LRRC3B: variants seen among roughly 807,000 people sequenced by gnomAD.
The protein encoded by LRRC3B is leucine rich repeat containing 3B.
In LRRC3B, 2 loss-of-function variants were observed where a neutral mutation model predicts 12.8. That is an observed-to-expected ratio of 0.16 (90% confidence interval 0.06 to 0.49). LRRC3B has a LOEUF of 0.49. Among genes scored for constraint, LRRC3B ranks in the 20% least tolerant of loss-of-function variants. The probability of loss-of-function intolerance (pLI) is 0.96; values close to 1 mark genes in which losing one functional copy is unlikely to be tolerated. For synonymous variants in LRRC3B, 132 were observed against 122.0 expected (o/e 1.08, Z -0.54); for missense variants, 189 against 319.4 (o/e 0.59, Z 3.11).
intron 1 of LRRC3B, among the ~76,000 whole-genome samples, chr3:26,658,610 T>C (rs368798283): frequency 6.6e-6 from 1 of 152,244 alleles, no homozygotes. Flanking sequence ...CCTCATTCTT[T>C]ATACAAAACA....
rs1699748080 is a variant in LRRC3B, at chr3:26,671,519, G to A, written c.-160-37994G>A. ...CAATTCTCCTGCCTCAGCCTCCCAAGTAGCTGGGACTACAGGCGCGCGCCA... is the reference window on the plus strand; with the variant it reads ...CAATTCTCCTGCCTCAGCCTCCCAAATAGCTGGGACTACAGGCGCGCGCCA... On this transcript the variant is annotated intron_variant, in intron 1 of 1. Coordinates refer to ENST00000396641, the Ensembl canonical transcript of LRRC3B. Among the ~76,000 whole-genome samples the A allele has an allele frequency of 2.7e-5, 4 of 150,012 alleles. No individual in the cohort carries two copies. In the South Asian group the frequency reaches 6.3e-4, roughly 24 times the overall value.
intron 1 of LRRC3B, among the ~76,000 whole-genome samples, chr3:26,638,275 TG>T (rs1411796387): frequency 2.6e-5 from 4 of 152,138 alleles, no homozygotes; most frequent in African/African-American, 7.2e-5. Flanking sequence ...TTTCAGGATT[TG>T]TAGAAAACAT....
chr3:26,698,119 A>AGTG (rs951173774), intron 1 of LRRC3B, among the ~76,000 whole-genome samples: 27 of 151,860 alleles, frequency 1.8e-4, no homozygotes, highest in Non-Finnish European at 2.5e-4. Context: ...TGATGATGAT[A>AGTG]GTGGTGGTGG....
chr3:26,691,107 A>G (rs9873095), intron 1 of LRRC3B, among the ~76,000 whole-genome samples: 4,936 of 55,278 alleles, frequency 0.089, 135 homozygotes, highest in Non-Finnish European at 0.092. Context: ...GTGTGTGTGT[A>G]TATATATATA....
chr3:26,644,248 G>T (rs1575121820), intron 1 of LRRC3B, among the ~76,000 whole-genome samples: 1 of 152,212 alleles, frequency 6.6e-6, no homozygotes, highest in Non-Finnish European at 1.5e-5. Context: ...TATGTGGGAA[G>T]CACTAACTTA....
intron 1 of LRRC3B, among the ~76,000 whole-genome samples, chr3:26,642,470 A>C (rs17018447): frequency 0.034 from 5,206 of 152,280 alleles, 170 homozygotes; most frequent in East Asian, 0.13. Context: ...GCTAAGGAGA[A>C]ATAAGCCAGA....
intron 1 of LRRC3B, among the ~76,000 whole-genome samples, chr3:26,685,488 T>C (rs1342089752): frequency 2.6e-5 from 1 of 38,810 alleles, no homozygotes; most frequent in Non-Finnish European, 4.6e-5. Flanking sequence ...ACTCTCTCCC[T>C]CTCTCTCTCT....
At chr3:26,653,563 A>G (rs1453277728) in intron 1 of LRRC3B, among the ~76,000 whole-genome samples, 2 of 138,644 alleles carry the variant, frequency 1.4e-5, no homozygotes, top group Non-Finnish European at 3.0e-5. Flanking sequence ...TAAACTGTCA[A>G]AAAGAAGAAC....
At chr3:26,664,378 T>G (rs1463098251) in intron 1 of LRRC3B, among the ~76,000 whole-genome samples, 1 of 152,082 alleles carries the variant, frequency 6.6e-6, no homozygotes, top group Admixed American at 6.5e-5. Context: ...CCCCCACGAC[T>G]ACTGCTACTA....
intron 1 of LRRC3B, among the ~76,000 whole-genome samples, chr3:26,671,557 A>G (rs1699749317): frequency 6.7e-6 from 1 of 149,442 alleles, no homozygotes; most frequent in African/African-American, 2.5e-5. Context: ...AAGCCCAGCT[A>G]ATTTTTTTGT....
In LRRC3B at chr3:26,667,503, G is replaced by A. The variant is rs532219247; in HGVS notation, c.-160-42010G>A. Among the ~76,000 whole-genome samples, 6 of 152,224 alleles carry A rather than the reference G, an allele frequency of 3.9e-5. No individual in the cohort carries two copies. The East Asian group carries it at 1.2e-3, about 29-fold the overall frequency. On this transcript the variant is annotated intron_variant, in intron 1 of 1. Transcript: ENST00000396641. ...AAAGGGAGCTACTGAAACTATTCAG[G>A]GACTTAGGCTCCTTCCAGCTCACTG...
chr3:26,682,025 A>T (rs1215059977), intron 1 of LRRC3B, among the ~76,000 whole-genome samples: 1 of 151,988 alleles, frequency 6.6e-6, no homozygotes, highest in Non-Finnish European at 1.5e-5. Flanking sequence ...ATAATAATAA[A>T]ATATAATGAT....
exon 2 of LRRC3B, chr3:26,709,902 C>T (rs1011710148): frequency 1.9e-6 from 3 of 1,614,098 alleles, no homozygotes; most frequent in Non-Finnish European, 2.5e-6. Context: ...AATCAGATCA[C>T]ATCTATTCCC....
intron 1 of LRRC3B, among the ~76,000 whole-genome samples, chr3:26,654,026 A>G (rs1256673408): frequency 1.3e-5 from 2 of 152,154 alleles, no homozygotes; most frequent in East Asian, 3.9e-4. Flanking sequence ...AGATGGGGAA[A>G]CAGTCCAAAG....
At chr3:26,673,759 G>A (rs1699801257) in intron 1 of LRRC3B, among the ~76,000 whole-genome samples, 1 of 152,124 alleles carries the variant, frequency 6.6e-6, no homozygotes, top group Non-Finnish European at 1.5e-5. Context: ...CTGAAGAACA[G>A]CCTCCTCCAC....
intron 1 of LRRC3B, chr3:26,694,777 G>A (rs984911385): frequency 6.6e-6 from 1 of 152,186 alleles, no homozygotes; most frequent in Non-Finnish European, 1.5e-5. Flanking sequence ...CTGGTAAGAA[G>A]AGGCACTATG....
chr3:26,672,232 T>TAATA (rs1699763733), intron 1 of LRRC3B, among the ~76,000 whole-genome samples: 2 of 152,136 alleles, frequency 1.3e-5, no homozygotes. Context: ...AGCCTCTAGT[T>TAATA]AATATAATAT....
chr3:26,632,407 A>T (rs1156947719), intron 1 of LRRC3B, among the ~76,000 whole-genome samples: 6 of 152,204 alleles, frequency 3.9e-5, no homozygotes, highest in African/African-American at 1.4e-4. Flanking sequence ...AACCTATCTC[A>T]AAGTTCAAGG....
Position 26,685,615 on chromosome 3 carries a change from G to GTATATATATATATATATA in LRRC3B, c.-160-23896_-160-23879dup, listed in dbSNP as rs768001958. Among the ~76,000 whole-genome samples, 40 of 120,460 alleles carry GTATATATATATATATATA rather than the reference G, an allele frequency of 3.3e-4. 1 individual carries two copies. In the East Asian group the frequency reaches 7.5e-3, roughly 23 times the overall value. 79.0% of individuals were successfully genotyped at this position (120,460 alleles called of 152,430 possible). A position where few individuals can be genotyped will look rare whatever the true frequency, so the allele number is the denominator to read the frequency against. On this transcript the variant is annotated intron_variant, in intron 1 of 1. Coordinates refer to ENST00000396641, the Ensembl canonical transcript of LRRC3B. ...CACTCATATATATATATGTGTGTGT[G>GTATATATATATATATATA]TATATATATATATATATATCTATAT...
Sources: gnomAD v4.1 joint callset for allele counts (sites outside exome capture counted in the v4.1 genomes callset) on GRCh38, gnomAD v4.1.1 for gene constraint, MANE v1.5 for transcripts, NCBI Gene and HGNC (gene_info 2026-07-23, HGNC 2026-07-21) for gene names.